GALNT13: variants seen among roughly 807,000 people sequenced by gnomAD.
GALNT13 encodes polypeptide N-acetylgalactosaminyltransferase 13.
Under a neutral mutation model 64.2 loss-of-function variants are expected in GALNT13, and 28 were observed. The observed-to-expected ratio is 0.44, with a 90% CI of 0.32 to 0.60. The LOEUF (loss-of-function observed/expected upper bound fraction) is 0.60, where lower values mean the gene tolerates loss of function less well. Among genes scored for constraint, GALNT13 ranks in the 20% least tolerant of loss-of-function variants. The pLI is 0.05. For missense variants in GALNT13, 577 were observed against 669.8 expected, an observed-to-expected ratio of 0.86 and a Z score of 1.53; for synonymous variants, 214 against 224.6, an observed-to-expected ratio of 0.95 and a Z score of 0.42.
chr2:153,996,972 C>A (rs942557951), intron 3 of GALNT13, among the ~76,000 whole-genome samples: 1 of 152,006 alleles, frequency 6.6e-6, no homozygotes, highest in South Asian at 2.1e-4. Context: ...TGTAAAAAGA[C>A]AGTTTACTGA....
At chr2:153,099,225 C>G in the GALNT13 span, among the ~76,000 whole-genome samples, 5 of 152,042 alleles carry the variant, frequency 3.3e-5, no homozygotes, top group Admixed American at 1.3e-4. Flanking sequence ...TGCAAGTGAC[C>G]GACTTGAAAT....
the GALNT13 span, among the ~76,000 whole-genome samples, chr2:153,593,501 T>G: frequency 1.3e-5 from 2 of 152,116 alleles, no homozygotes; most frequent in African/African-American, 4.8e-5. Flanking sequence ...CCCACTCTGG[T>G]AGTGAAAGAC....
intron 4 of GALNT13, among the ~76,000 whole-genome samples, chr2:154,226,610 C>A (rs962462787): frequency 1.3e-5 from 2 of 152,024 alleles, no homozygotes; most frequent in African/African-American, 4.8e-5. Flanking sequence ...AGCAATTAAA[C>A]CTTGCGATTA....
chr2:154,344,283 C>T (rs1042297929), intron 9 of GALNT13, among the ~76,000 whole-genome samples: 2 of 152,002 alleles, frequency 1.3e-5, no homozygotes, highest in Non-Finnish European at 2.9e-5. Context: ...CCTGTTGACT[C>T]GCCTGACAAA....
the GALNT13 span, among the ~76,000 whole-genome samples, chr2:153,465,043 T>A: frequency 6.6e-6 from 1 of 152,096 alleles, no homozygotes; most frequent in Non-Finnish European, 1.5e-5. Flanking sequence ...TCCTCCACAG[T>A]GGTGAAGTCT....
At chr2:154,346,150 T>C (rs1259592450) in intron 9 of GALNT13, among the ~76,000 whole-genome samples, 1 of 152,030 alleles carries the variant, frequency 6.6e-6, no homozygotes, top group Non-Finnish European at 1.5e-5. Context: ...AGTTTTAATA[T>C]TATCTGTAAA....
the GALNT13 span, among the ~76,000 whole-genome samples, chr2:153,647,747 C>G: frequency 6.6e-6 from 1 of 152,080 alleles, no homozygotes; most frequent in Non-Finnish European, 1.5e-5. Flanking sequence ...TCTTGTTTTT[C>G]TCAGGTTTGT....
chr2:154,330,131 C>T (rs977856756), intron 9 of GALNT13, among the ~76,000 whole-genome samples: 3 of 151,988 alleles, frequency 2.0e-5, no homozygotes, highest in African/African-American at 7.2e-5. Flanking sequence ...TGATATGCAC[C>T]CATCCTCAAA....
chr2:153,947,195 C>A (rs938526933), intron 3 of GALNT13, among the ~76,000 whole-genome samples: 2 of 152,018 alleles, frequency 1.3e-5, no homozygotes, highest in African/African-American at 4.8e-5. Context: ...TAAGTTCTTA[C>A]TCTATGCAAA....
chr2:153,360,490 G>A, the GALNT13 span, among the ~76,000 whole-genome samples: 1 of 152,210 alleles, frequency 6.6e-6, no homozygotes, highest in Admixed American at 6.5e-5. Context: ...GGGAAGGGCA[G>A]CAGCCATCTC....
At chr2:154,332,011 T>G (rs707025) in intron 9 of GALNT13, among the ~76,000 whole-genome samples, 102,442 of 152,000 alleles carry the variant, frequency 0.67, 34,993 homozygotes, top group African/African-American at 0.8. Flanking sequence ...TTTCAGGCTT[T>G]AATGCTGTTG....
intron 3 of GALNT13, among the ~76,000 whole-genome samples, chr2:154,073,134 A>C (rs777359552): frequency 6.6e-6 from 1 of 152,044 alleles, no homozygotes; most frequent in Non-Finnish European, 1.5e-5. Context: ...GACAGTGACT[A>C]CACATCATTT....
chr2:154,200,666 T>G (rs1687124490), intron 4 of GALNT13, among the ~76,000 whole-genome samples: 1 of 152,138 alleles, frequency 6.6e-6, no homozygotes, highest in African/African-American at 2.4e-5. Context: ...GAGGGCCAAG[T>G]ATTGTGTGAA....
chr2:153,607,133 C>A, the GALNT13 span, among the ~76,000 whole-genome samples: 1 of 151,880 alleles, frequency 6.6e-6, no homozygotes, highest in Admixed American at 6.6e-5. Flanking sequence ...TCCCCAGGAA[C>A]CCAAATACCA....
chr2:153,224,448 G>A, the GALNT13 span, among the ~76,000 whole-genome samples: 1 of 151,952 alleles, frequency 6.6e-6, no homozygotes, highest in Non-Finnish European at 1.5e-5. Flanking sequence ...ATATACTCAG[G>A]TAAAAAACAT....
At chr2:153,723,034 C>T in the GALNT13 span, among the ~76,000 whole-genome samples, 2 of 151,970 alleles carry the variant, frequency 1.3e-5, no homozygotes, top group African/African-American at 4.8e-5. Flanking sequence ...CCTTGATGAA[C>T]ATTGATGCAA....
chr2:154,196,179 T>C (rs1686868083), intron 4 of GALNT13, among the ~76,000 whole-genome samples: 2 of 152,102 alleles, frequency 1.3e-5, no homozygotes. Context: ...TTGCAGCTAT[T>C]TCTGATAAAA....
chr2:154,065,791 A>G (rs1241462799), intron 3 of GALNT13, among the ~76,000 whole-genome samples: 1 of 152,190 alleles, frequency 6.6e-6, no homozygotes, highest in Non-Finnish European at 1.5e-5. Flanking sequence ...GAAGGCTACA[A>G]TTAATTCTGA....
chr2:154,217,387 G>A lies in GALNT13; in HGVS notation c.312-24643G>A, dbSNP rs112020904. The stretch of plus-strand genomic sequence containing the variant: ...ATTCATTTAGAAACCTGCCTAATGT[G>A]TTTGAAGGGAAAATAAAATTGTGTA... On this transcript the variant is annotated intron_variant, in intron 4 of 12. Transcript: ENST00000392825. 2.4e-4 allele frequency among the ~76,000 whole-genome samples: 37 copies of A among 152,172 alleles called. 1 individual carries two copies. The highest frequency in any genetic ancestry group is 8.9e-4 in the African/African-American group (37 of 41,548).
Sources: allele counts gnomAD v4.1 joint callset (sites outside exome capture counted in the v4.1 genomes callset), GRCh38; gene constraint gnomAD v4.1.1; transcripts MANE v1.5; gene names NCBI Gene and HGNC (gene_info 2026-07-23, HGNC 2026-07-21).